The following ZFHX3 variants were observed in gnomAD, a reference collection of about 807,000 sequenced individuals.
The protein encoded by ZFHX3 is zinc finger homeobox 3.
In ZFHX3, 42 loss-of-function variants were observed where a neutral mutation model predicts 279.1. That is an observed-to-expected ratio of 0.15 (90% CI 0.12 to 0.19). The LOEUF (loss-of-function observed/expected upper bound fraction) is 0.19. Ranked by LOEUF, ZFHX3 falls within the 10% of genes least tolerant of loss-of-function variation. The pLI is 1.00. For missense variants in ZFHX3, 4,981 were observed against 4,754.0 expected (o/e 1.05, Z -1.40); for synonymous variants, 2,293 against 1,957.8 (o/e 1.17, Z -4.52).
At chr16:73,865,764 G>C (rs1961999949) in intron 1 of ZFHX3, among the ~76,000 whole-genome samples, 1 of 151,804 alleles carries the variant, frequency 6.6e-6, no homozygotes, top group Admixed American at 6.6e-5. Context: ...CAGATCACAA[G>C]GTCAGGAGAT....
intron 1 of ZFHX3, among the ~76,000 whole-genome samples, chr16:73,758,450 C>A (rs963221935): frequency 2.0e-5 from 3 of 152,150 alleles, no homozygotes; most frequent in Non-Finnish European, 4.4e-5. Flanking sequence ...GCAACCCAGG[C>A]TTTAATTGTT....
Position 72,957,550 on chromosome 16 carries a change from G to C in ZFHX3, c.2596C>G (p.Leu866Val). Residue 866 changes from leucine to valine, a missense_variant, in exon 2 of 10, where the codon CTG becomes GTG. Around this residue, in one of 7 missense-constraint regions of ZFHX3, gnomAD observed 1,751 missense variants for 1,770.0 expected, o/e 0.99. Transcript: ENST00000268489. ...TTGGGCAGGTTCATGTTCTGGGCCA[G>C]GTAGTATTGGTAGAGCTCGGCCTCG... Reference protein sequence around the residue: ...PAEAELYQYYLAQNMNLPNLK... With the variant: ...PAEAELYQYYVAQNMNLPNLK... The C allele has an allele frequency of 6.2e-7, 1 of 1,614,232 alleles. No homozygotes were observed. Among genetic ancestry groups the C allele is most frequent in the South Asian group, 1.1e-5 (1 of 91,082 alleles).
At chr16:73,353,829 ATACT>A (rs2016290114) in intron 3 of ZFHX3, among the ~76,000 whole-genome samples, 1 of 152,238 alleles carries the variant, frequency 6.6e-6, no homozygotes, top group Non-Finnish European at 1.5e-5. Flanking sequence ...TACGTTATTA[ATACT>A]TAATATTGTT....
intron 1 of ZFHX3, among the ~76,000 whole-genome samples, chr16:73,011,957 A>C (rs1963934465): frequency 6.6e-6 from 1 of 152,192 alleles, no homozygotes; most frequent in African/African-American, 2.4e-5. Context: ...CCGTCCCCCA[A>C]GACCAAAGAG....
intron 1 of ZFHX3, among the ~76,000 whole-genome samples, chr16:73,751,592 T>C (rs2053762829): frequency 6.6e-6 from 1 of 152,224 alleles, no homozygotes; most frequent in Non-Finnish European, 1.5e-5. Context: ...TGCATGTATA[T>C]ATTTTTAAGT....
intron 1 of ZFHX3, among the ~76,000 whole-genome samples, chr16:73,876,886 C>T (rs1406908550): frequency 6.6e-6 from 1 of 152,068 alleles, no homozygotes; most frequent in Admixed American, 6.5e-5. Flanking sequence ...TGTGGGTTCA[C>T]GGTCCACATC....
At chr16:72,860,962 G>C (rs1304574474) in intron 4 of ZFHX3, among the ~76,000 whole-genome samples, 3 of 152,178 alleles carry the variant, frequency 2.0e-5, no homozygotes, top group Non-Finnish European at 4.4e-5. Flanking sequence ...CAGCCTCCCA[G>C]GGTTTTCCCA....
At position 72,784,089 on chromosome 16, in the gene ZFHX3, A is replaced by ACAAT. The variant is rs1298239906; in HGVS notation, c.*3071_*3074dup. The ACAAT allele has an allele frequency of 1.3e-5, 2 of 152,698 alleles. No homozygotes were observed. Among genetic ancestry groups the ACAAT allele is most frequent in the South Asian group, 2.1e-4 (1 of 4,820 alleles). 9.5% of individuals were successfully genotyped at this position (152,698 alleles called of 1,614,324 possible). ...AGGGTGCAACCCACTCCAGGTTGAAACAATCACATAACCCCTCTGAGAACA... is the reference window on the plus strand; with the variant it reads ...AGGGTGCAACCCACTCCAGGTTGAAACAATCAATCACATAACCCCTCTGAGAACA... On this transcript the variant is annotated 3_prime_UTR_variant, in exon 10 of 10. Transcript: ENST00000268489.
intron 4 of ZFHX3, among the ~76,000 whole-genome samples, chr16:72,854,375 T>C (rs1439724367): frequency 6.6e-6 from 1 of 152,194 alleles, no homozygotes; most frequent in Non-Finnish European, 1.5e-5. Flanking sequence ...CTCCCTGCCC[T>C]TGATCAAGAG....
intron 2 of ZFHX3, among the ~76,000 whole-genome samples, chr16:73,578,432 A>C (rs1327737185): frequency 6.6e-6 from 1 of 151,838 alleles, no homozygotes; most frequent in Non-Finnish European, 1.5e-5. Context: ...TATGTTTGGG[A>C]AACTTTGAGC....
rs532734296 is a variant in ZFHX3 at position 73,538,727 on chromosome 16, C to T, written c.-1546-82469G>A. Among the ~76,000 whole-genome samples the T allele has an allele frequency of 6.6e-5, 10 of 152,288 alleles. No homozygotes were observed. The East Asian group carries it at 1.5e-3, about 24-fold the overall frequency. On this transcript the variant is annotated intron_variant, in intron 2 of 17. Transcript: ENST00000641206. Reference sequence around the variant, plus strand: ...CATGAGAGTTTAGAAATCCCACCTTCGCAAGCTTGACACCTCATATGGAAG... The same window carrying T: ...CATGAGAGTTTAGAAATCCCACCTTTGCAAGCTTGACACCTCATATGGAAG...
At chr16:72,961,190 T>C (rs1055584854) in intron 1 of ZFHX3, among the ~76,000 whole-genome samples, 7 of 152,118 alleles carry the variant, frequency 4.6e-5, no homozygotes, top group African/African-American at 1.2e-4. Flanking sequence ...ATCAAGGATC[T>C]GAGCAGCAAG....
chr16:73,066,885 G>T (rs1178603538), intron 8 of ZFHX3, among the ~76,000 whole-genome samples: 2 of 152,014 alleles, frequency 1.3e-5, no homozygotes, highest in Non-Finnish European at 2.9e-5. Context: ...CCAGCCCCGC[G>T]GGATACGGAG....
intron 2 of ZFHX3, among the ~76,000 whole-genome samples, chr16:73,525,119 T>C (rs1165517976): frequency 2.0e-5 from 3 of 152,176 alleles, no homozygotes; most frequent in Non-Finnish European, 4.4e-5. Flanking sequence ...ACCAGCGACA[T>C]GAGGGCATTA....
At chr16:73,844,282 A>G (rs974995456) in intron 1 of ZFHX3, among the ~76,000 whole-genome samples, 3 of 152,194 alleles carry the variant, frequency 2.0e-5, no homozygotes, top group Non-Finnish European at 4.4e-5. Flanking sequence ...ATGAAGTTAT[A>G]TGACTGGGGG....
At chr16:73,505,557 GA>G (rs55981787) in intron 2 of ZFHX3, among the ~76,000 whole-genome samples, 27,869 of 143,642 alleles carry the variant, frequency 0.19, 2,741 homozygotes, top group African/African-American at 0.26. Context: ...CACATTGGAG[GA>G]AAAAAAAAAA....
chr16:73,480,743 C>T (rs2143624922), intron 2 of ZFHX3, among the ~76,000 whole-genome samples: 1 of 152,296 alleles, frequency 6.6e-6, no homozygotes, highest in Non-Finnish European at 1.5e-5. Flanking sequence ...ATGTGAGTGT[C>T]AGTAGCTGTT....
At chr16:73,621,715 A>G (rs2052365359) in intron 2 of ZFHX3, among the ~76,000 whole-genome samples, 1 of 152,216 alleles carries the variant, frequency 6.6e-6, no homozygotes, top group Non-Finnish European at 1.5e-5. Context: ...TATATCTACA[A>G]TAACAAATTA....
chr16:73,332,415 A>T lies in ZFHX3; in HGVS notation c.-1290-14079T>A, dbSNP rs942620242. Among the ~76,000 whole-genome samples the T allele has an allele frequency of 4.6e-5, 7 of 152,220 alleles. No individual in the cohort carries two copies. In the South Asian group the frequency reaches 6.2e-4, roughly 14 times the overall value. Reference sequence around the variant, plus strand: ...TCCTGCAAGGATGTCAGGATGCCCAACTTGGCCATGTCCACTAGCTGCACA... The same window carrying T: ...TCCTGCAAGGATGTCAGGATGCCCATCTTGGCCATGTCCACTAGCTGCACA... On this transcript the variant is annotated intron_variant, in intron 3 of 17. Coordinates refer to the ZFHX3 transcript ENST00000641206.
Sources: allele counts gnomAD v4.1 joint callset (sites outside exome capture counted in the v4.1 genomes callset), GRCh38; gene constraint gnomAD v4.1.1; regional missense constraint gnomAD v4.1.1; transcripts MANE v1.5; gene names NCBI Gene and HGNC (gene_info 2026-07-23, HGNC 2026-07-21).